Variants in AGO3 observed in about 807,000 individuals in gnomAD.
AGO3 encodes argonaute RISC catalytic component 3, also known as protein argonaute-3.
In AGO3, 16 loss-of-function variants were observed where a neutral mutation model predicts 105.5. The ratio of observed to expected loss-of-function variants is 0.15; its 90% CI spans 0.10 to 0.23. The LOEUF is 0.23. Among genes scored for constraint, AGO3 ranks in the 10% least tolerant of loss-of-function variants. The pLI is 1.00. For missense variants in AGO3, 534 were observed against 1,088.0 expected, an observed-to-expected ratio of 0.49 and a Z score of 7.16; for synonymous variants, 340 against 367.3, an observed-to-expected ratio of 0.93 and a Z score of 0.85.
At chr1:36,022,796 G>A (rs756799562) in intron 11 of AGO3, among the ~76,000 whole-genome samples, 28 of 152,020 alleles carry the variant, frequency 1.8e-4, no homozygotes, top group Non-Finnish European at 3.4e-4. Flanking sequence ...GCCGGGCCTG[G>A]TGGTGGACAC....
Position 36,026,986 on chromosome 1 carries a change from G to A in AGO3, c.1407-128G>A, listed in dbSNP as rs1268170572. The A allele has an allele frequency of 2.9e-6, 3 of 1,046,622 alleles. No homozygotes were observed. The African/African-American group carries it at 4.9e-5, about 17-fold the overall frequency. 64.8% of individuals were successfully genotyped at this position (1,046,622 alleles called of 1,614,324 possible). A position where few individuals can be genotyped will look rare whatever the true frequency, so the allele number is the denominator to read the frequency against. On this transcript the variant is annotated intron_variant, in intron 11 of 18. Coordinates refer to ENST00000373191, the MANE Select transcript of AGO3 (RefSeq NM_024852.4). ...TTACGCTTAACATCAGTAGTCTGGTGACCTCTCATATATGAAGCACACAAA... is the reference window on the plus strand; with the variant it reads ...TTACGCTTAACATCAGTAGTCTGGTAACCTCTCATATATGAAGCACACAAA...
Position 36,066,962 on chromosome 1 carries a change from A to G in AGO3, c.*11217A>G, listed in dbSNP as rs1363516708. On this transcript the variant is annotated 3_prime_UTR_variant, in exon 19 of 19. Coordinates refer to ENST00000373191, the MANE Select transcript of AGO3 (RefSeq NM_024852.4). The stretch of plus-strand genomic sequence containing the variant: ...GAGCGTCTCTGTAATCTAAATTTAT[A>G]TGATAATGTTGTCCCAGACCCAAAG... 1 of 152,244 alleles carries G rather than the reference A, an allele frequency of 6.6e-6. No homozygotes were observed. Among genetic ancestry groups the G allele is most frequent in the East Asian group, 1.9e-4 (1 of 5,202 alleles). 9.4% of individuals were successfully genotyped at this position (152,244 alleles called of 1,614,324 possible).
intron 2 of AGO3, among the ~76,000 whole-genome samples, chr1:35,960,413 T>A (rs557729520): frequency 6.6e-6 from 1 of 152,088 alleles, no homozygotes; most frequent in East Asian, 1.9e-4. Flanking sequence ...TCAGGAGTTT[T>A]AGGTTACAGT....
chr1:36,054,638 T>C (rs781689368), intron 17 of AGO3, among the ~76,000 whole-genome samples: 1 of 152,182 alleles, frequency 6.6e-6, no homozygotes, highest in Non-Finnish European at 1.5e-5. Context: ...TCCAGCACTT[T>C]GGGAGGCTGA....
chr1:35,972,847 T>C (rs1226510766), intron 4 of AGO3, among the ~76,000 whole-genome samples: 1 of 145,834 alleles, frequency 6.9e-6, no homozygotes, highest in Non-Finnish European at 1.5e-5. Context: ...CCTGACTAAT[T>C]AAAAAAAAAT....
chr1:35,970,364 T>C (rs1044442386), intron 3 of AGO3, among the ~76,000 whole-genome samples: 3 of 152,224 alleles, frequency 2.0e-5, no homozygotes, highest in Non-Finnish European at 4.4e-5. Flanking sequence ...CCTCATGGGA[T>C]TCTTCCTTTC....
Position 36,008,703 on chromosome 1 carries a change from A to G in AGO3, c.807A>G (p.Glu269=). Residue 269 remains glutamate (E), a synonymous_variant, in exon 7 of 19, where the codon GAA becomes GAG. Coordinates refer to ENST00000373191, the MANE Select transcript of AGO3 (RefSeq NM_024852.4). This position sits in a 1 kb window ranked among gnomAD's most constrained non-coding sequence, Gnocchi z 5.1. ...TGTTGGGAACAGGTTTGAAGGTTGA[A>G]GTGACTCATTGTGGAACAATGAGAC... The part of the protein sequence containing the change: ...FTKEIKGLKV[E]VTHCGTMRRK... 3 of 1,614,126 alleles carry G rather than the reference A, an allele frequency of 1.9e-6. No individual in the cohort carries two copies. The highest frequency in any genetic ancestry group is 2.5e-6 in the Non-Finnish European group (3 of 1,180,006).
intron 5 of AGO3, among the ~76,000 whole-genome samples, chr1:35,975,331 A>G (rs1244785820): frequency 6.6e-6 from 1 of 152,054 alleles, no homozygotes; most frequent in Non-Finnish European, 1.5e-5. Context: ...GTATTTGACT[A>G]CCTTTTCACA....
chr1:35,942,625 T>A (rs1646276770), intron 1 of AGO3, among the ~76,000 whole-genome samples: 1 of 152,198 alleles, frequency 6.6e-6, no homozygotes, highest in Non-Finnish European at 1.5e-5. Context: ...CAGATAATAG[T>A]TTATTAATTT....
At position 35,966,947 on chromosome 1, in the gene AGO3, T is replaced by G. The variant is rs772169379; in HGVS notation, c.192-8T>G. ...GGATTATGTGAATATATTGTTTCCC[T>G]TCTTTAGGGAGGTGGTTGACTCAAT... On this transcript the variant is annotated splice_region_variant and splice_polypyrimidine_tract_variant and intron_variant, in intron 2 of 18. Transcript: ENST00000373191. 6.2e-7 allele frequency: 1 copy of G among 1,600,204 alleles called. No homozygotes were observed. Among genetic ancestry groups the G allele is most frequent in the Non-Finnish European group, 8.5e-7 (1 of 1,176,028 alleles).
chr1:35,972,328 T>C (rs1646884112), intron 4 of AGO3, 96 bp downstream of exon 4: 1 of 1,330,688 alleles, frequency 7.5e-7, no homozygotes, highest in Non-Finnish European at 1.0e-6. Flanking sequence ...TCATATATTT[T>C]GATTGTTCAA....
intron 9 of AGO3, among the ~76,000 whole-genome samples, chr1:36,012,322 CAAA>C (rs11391066): frequency 7.7e-5 from 7 of 90,712 alleles, no homozygotes; most frequent in African/African-American, 7.9e-5. Context: ...GACCCTGTCT[CAAA>C]AAAAAAAAAA....
chr1:35,960,499 T>C (rs1177563375), intron 2 of AGO3, among the ~76,000 whole-genome samples: 4 of 152,140 alleles, frequency 2.6e-5, no homozygotes, highest in Middle Eastern at 3.4e-3. Flanking sequence ...TTTTTTTTTT[T>C]CGCTAAAATT....
chr1:36,042,500 T>C (rs1569914049), intron 16 of AGO3, among the ~76,000 whole-genome samples: 2 of 152,348 alleles, frequency 1.3e-5, no homozygotes, highest in East Asian at 3.9e-4. Flanking sequence ...TGTTTTGTGC[T>C]TGGTAAAGTG....
chr1:35,943,602 T>G (rs950062617), intron 1 of AGO3, among the ~76,000 whole-genome samples: 1 of 93,148 alleles, frequency 1.1e-5, no homozygotes, highest in Non-Finnish European at 1.9e-5. Flanking sequence ...CCCCCAGCCC[T>G]TTTTTTTTTT....
At chr1:35,989,873 C>CAA (rs573957642) in intron 5 of AGO3, among the ~76,000 whole-genome samples, 1 of 145,868 alleles carries the variant, frequency 6.9e-6, no homozygotes, top group African/African-American at 2.5e-5. Flanking sequence ...GACCCTGTCT[C>CAA]AAAAAAAAAA....
At chr1:36,044,268 G>A (rs1454977070) in intron 17 of AGO3, among the ~76,000 whole-genome samples, 5 of 152,242 alleles carry the variant, frequency 3.3e-5, no homozygotes, top group South Asian at 2.1e-4. Context: ...TCACTTGAGC[G>A]CGGAGGCAGA....
At chr1:35,993,437 A>T (rs1647878344) in intron 5 of AGO3, among the ~76,000 whole-genome samples, 1 of 152,212 alleles carries the variant, frequency 6.6e-6, no homozygotes, top group South Asian at 2.1e-4. Context: ...AAGTGAGGGT[A>T]TCACTAAAAA....
intron 5 of AGO3, among the ~76,000 whole-genome samples, chr1:35,994,353 A>G (rs922994256): frequency 1.3e-5 from 2 of 152,136 alleles, no homozygotes; most frequent in African/African-American, 4.8e-5. Flanking sequence ...CTCATGATAA[A>G]AATTTACAAC....
Sources: allele counts gnomAD v4.1 joint callset (sites outside exome capture counted in the v4.1 genomes callset), GRCh38; gene constraint gnomAD v4.1.1; non-coding constraint Gnocchi (gnomAD v3.1); transcripts MANE v1.5; gene names NCBI Gene and HGNC (gene_info 2026-07-23, HGNC 2026-07-21).